NRCAM: variants seen among roughly 807,000 people sequenced by gnomAD.
NRCAM encodes the protein NgCAM-related cell adhesion molecule.
A neutral mutation model predicts 156.5 loss-of-function variants in NRCAM; 83 were observed. The ratio of observed to expected loss-of-function variants is 0.53; its 90% CI spans 0.44 to 0.64. The LOEUF is 0.64. NRCAM is among the 30% of genes least tolerant of loss of function. The probability of loss-of-function intolerance (pLI) is 0.00; values close to 1 mark genes in which losing one functional copy is unlikely to be tolerated. For missense variants in NRCAM, 1,417 were observed against 1,597.3 expected (o/e 0.89, Z 1.92); for synonymous variants, 538 against 563.9 (o/e 0.95, Z 0.65).
At chr7:108,207,362 A>C (rs1018492365) in intron 13 of NRCAM, 166 bp downstream of exon 13, 5 of 564,104 alleles carry the variant, frequency 8.9e-6, no homozygotes, top group Non-Finnish European at 1.5e-5. Context: ...ATTCATAATA[A>C]ATATCTAATG....
At chr7:108,278,678 A>G (rs1054295712) in intron 3 of NRCAM, among the ~76,000 whole-genome samples, 1 of 152,222 alleles carries the variant, frequency 6.6e-6, no homozygotes, top group African/African-American at 2.4e-5. Flanking sequence ...TCCCTTGGCT[A>G]GGAAAGGGAA....
chr7:108,257,385 C>T (rs2096724845), intron 3 of NRCAM, among the ~76,000 whole-genome samples: 1 of 152,166 alleles, frequency 6.6e-6, no homozygotes, highest in South Asian at 2.1e-4. Context: ...TTAACTGGAA[C>T]ATCCTGTGCT....
intron 5 of NRCAM, among the ~76,000 whole-genome samples, chr7:108,236,213 G>A (rs374531082): frequency 1.3e-4 from 20 of 152,188 alleles, no homozygotes; most frequent in South Asian, 1.0e-3. Context: ...CTATAAACCC[G>A]GTTGCGTCCT....
chr7:108,357,814 C>A (rs573761868), intron 2 of NRCAM, among the ~76,000 whole-genome samples: 27 of 152,308 alleles, frequency 1.8e-4, no homozygotes, highest in Non-Finnish European at 2.5e-4. Flanking sequence ...CTAACAAAAA[C>A]AGTTTCTCTA....
intron 8 of NRCAM, among the ~76,000 whole-genome samples, chr7:108,229,776 C>T (rs1213226387): frequency 6.6e-6 from 1 of 152,070 alleles, no homozygotes; most frequent in Non-Finnish European, 1.5e-5. Flanking sequence ...TCTTAGTCTC[C>T]AAGCAGAACC....
intron 1 of NRCAM, among the ~76,000 whole-genome samples, chr7:108,439,832 C>CAAAAA (rs34432715): frequency 8.7e-4 from 61 of 70,264 alleles, no homozygotes; most frequent in Admixed American, 1.6e-3. Context: ...GACTCCGTCA[C>CAAAAA]AAAAAAAAAA....
At chr7:108,268,054 A>T (rs1299445716) in intron 3 of NRCAM, among the ~76,000 whole-genome samples, 1 of 103,310 alleles carries the variant, frequency 9.7e-6, no homozygotes, top group Non-Finnish European at 2.1e-5. Flanking sequence ...AAATTCATTT[A>T]CACGGCATTT....
At chr7:108,155,358 C>CAT (rs958442821) in intron 32 of NRCAM, among the ~76,000 whole-genome samples, 58 of 150,984 alleles carry the variant, frequency 3.8e-4, no homozygotes, top group South Asian at 2.5e-3. Context: ...ACAGTGCTGG[C>CAT]ATATATATAT....
At chr7:108,373,346 T>C (rs984701899) in intron 2 of NRCAM, among the ~76,000 whole-genome samples, 3 of 152,154 alleles carry the variant, frequency 2.0e-5, no homozygotes, top group Non-Finnish European at 2.9e-5. Flanking sequence ...AGATCTTAGG[T>C]GTTCTTACTA....
Position 108,148,460 on chromosome 7 carries a change from CTG to C in NRCAM, c.*1448_*1449del, listed in dbSNP as rs2039828761. On this transcript the variant is annotated 3_prime_UTR_variant, in exon 33 of 33. Coordinates refer to ENST00000379028, the MANE Select transcript of NRCAM (RefSeq NM_001037132.4). Reference sequence around the variant, plus strand: ...GAAACCAATTTATTGGCAAATGAAACTGAGCATTCCTTCAACCATAGGTTGTT... The same window carrying C: ...GAAACCAATTTATTGGCAAATGAAACAGCATTCCTTCAACCATAGGTTGTT... The C allele has an allele frequency of 1.3e-5, 2 of 152,614 alleles. No individual in the cohort carries two copies. Among genetic ancestry groups the C allele is most frequent in the East Asian group, 3.8e-4 (2 of 5,204 alleles). 9.5% of individuals were successfully genotyped at this position (152,614 alleles called of 1,614,324 possible).
chr7:108,169,571 C>T (rs2057187821), intron 28 of NRCAM, among the ~76,000 whole-genome samples: 1 of 152,162 alleles, frequency 6.6e-6, no homozygotes, highest in Admixed American at 6.5e-5. Flanking sequence ...ATGCTTTTGA[C>T]TTCTGAAATA....
chr7:108,176,553 T>A lies in NRCAM; in HGVS notation c.3028A>T (p.Lys1010Ter). The part of the protein sequence containing the change: ...PLVDLKIPAN[K>*]TRWTLKNLNF... ...AAATTTTTTAAAGTCCACCGTGTCT[T>A]GTTGGCAGGAATTTTCAAATCTACC... Residue 1010 changes from lysine (K) to a stop codon, truncating the protein, a stop_gained, in exon 27 of 33, where the codon AAG (lysine) becomes TAG (stop). Coordinates refer to ENST00000379028, the MANE Select transcript of NRCAM (RefSeq NM_001037132.4). LOFTEE classifies it high-confidence loss of function. The A allele has an allele frequency of 1.2e-6, 2 of 1,613,770 alleles. No homozygotes were observed. The highest frequency in any genetic ancestry group is 1.7e-6 in the Non-Finnish European group (2 of 1,179,836).
intron 2 of NRCAM, among the ~76,000 whole-genome samples, chr7:108,336,248 G>A (rs888614986): frequency 3.3e-5 from 5 of 152,080 alleles, no homozygotes; most frequent in South Asian, 2.1e-4. Flanking sequence ...GCCCCTTCCC[G>A]GCTGTCTAAT....
intron 2 of NRCAM, among the ~76,000 whole-genome samples, chr7:108,368,657 C>T (rs1205348100): frequency 6.6e-6 from 1 of 152,200 alleles, no homozygotes; most frequent in Non-Finnish European, 1.5e-5. Flanking sequence ...TGCATGACTT[C>T]GTGTTCATTG....
chr7:108,365,304 GTA>G (rs1424443773), intron 2 of NRCAM, among the ~76,000 whole-genome samples: 1 of 152,100 alleles, frequency 6.6e-6, no homozygotes, highest in East Asian at 1.9e-4. Flanking sequence ...ACATTTTAAT[GTA>G]TTATAATGAT....
chr7:108,215,299 G>A (rs1319523237), intron 11 of NRCAM, among the ~76,000 whole-genome samples: 2 of 147,536 alleles, frequency 1.4e-5, no homozygotes, highest in Non-Finnish European at 3.0e-5. Context: ...TGCAAGCTCC[G>A]CATCCTGGGT....
At chr7:108,196,009 T>C in intron 14 of NRCAM, 137 bp from the exon 15 acceptor site, 1 of 651,058 alleles carries the variant, frequency 1.5e-6, no homozygotes, top group Admixed American at 2.4e-5. Context: ...ATGTTCTCTA[T>C]CAGGCATAAT....
chr7:108,171,161 G>A (rs2058238272), intron 28 of NRCAM, among the ~76,000 whole-genome samples: 1 of 152,116 alleles, frequency 6.6e-6, no homozygotes, highest in Admixed American at 6.5e-5. Context: ...GAGCTGTAGT[G>A]TCCCCTTTCT....
chr7:108,221,763 G>C (rs114922927), intron 11 of NRCAM, among the ~76,000 whole-genome samples: 2,203 of 152,168 alleles, frequency 0.014, 44 homozygotes, highest in African/African-American at 0.046. Context: ...TATTGTTCGG[G>C]TGATGGGTGC....
Sources: allele counts gnomAD v4.1 joint callset (sites outside exome capture counted in the v4.1 genomes callset), GRCh38; gene constraint gnomAD v4.1.1; transcripts MANE v1.5; gene names NCBI Gene and HGNC (gene_info 2026-07-23, HGNC 2026-07-21).